Variants in BTBD2 observed in about 807,000 individuals in gnomAD.
BTBD2 encodes the protein BTB domain containing 2.
A neutral mutation model predicts 44.0 loss-of-function variants in BTBD2; 15 were observed. The ratio of observed to expected loss-of-function variants is 0.34; its 90% confidence interval spans 0.23 to 0.53. The LOEUF (loss-of-function observed/expected upper bound fraction) is 0.53. Among genes scored for constraint, BTBD2 ranks in the 20% least tolerant of loss-of-function variants. The pLI is 0.95. For missense variants in BTBD2, 657 were observed against 746.4 expected, an observed-to-expected ratio of 0.88 and a Z score of 1.39; for synonymous variants, 443 against 335.9, an observed-to-expected ratio of 1.32 and a Z score of -3.49.
At chr19:2,009,970 A>G (rs939577499) in intron 1 of BTBD2, among the ~76,000 whole-genome samples, 8 of 151,256 alleles carry the variant, frequency 5.3e-5, no homozygotes, top group South Asian at 2.1e-4. Flanking sequence ...CCCGGCTAAC[A>G]TGGTGAAACC....
At chr19:2,003,819 T>C (rs1599357609) in intron 1 of BTBD2, among the ~76,000 whole-genome samples, 1 of 146,168 alleles carries the variant, frequency 6.8e-6, no homozygotes. Context: ...GAAAAAGGAA[T>C]CTCTGGACCC....
chr19:2,011,801 T>C (rs999452550), intron 1 of BTBD2, among the ~76,000 whole-genome samples: 1 of 152,010 alleles, frequency 6.6e-6, no homozygotes, highest in African/African-American at 2.4e-5. Context: ...GACACAGGCC[T>C]TCATCGTGGC....
Position 1,997,428 on chromosome 19 carries a change from G to A in BTBD2, c.443C>T (p.Ala148Val), listed in dbSNP as rs754684263. 3.1e-6 allele frequency: 5 copies of A among 1,614,180 alleles called. No individual in the cohort carries two copies. Among genetic ancestry groups the A allele is most frequent in the South Asian group, 2.2e-5 (2 of 91,086 alleles). The change falls in exon 2 of 9, where the codon GCC becomes GTC. Residue 148 changes from alanine (A) to valine (V), a missense_variant. Transcript: ENST00000255608. ...VLAVGSAVFD[A>V]MFNGGMATTS... ...TGTGGCCATTCCCCCGTTGAACATGGCATCAAAGACGGCGCTGCCCACGGC... is the reference window on the plus strand; with the variant it reads ...TGTGGCCATTCCCCCGTTGAACATGACATCAAAGACGGCGCTGCCCACGGC...
At chr19:2,015,259 T>C (rs773833439) in intron 1 of BTBD2, 38 bp downstream of exon 1, 3 of 1,468,250 alleles carry the variant, frequency 2.0e-6, no homozygotes, top group Non-Finnish European at 1.8e-6. Context: ...GCAGGCTGGG[T>C]GGGTCGGGGC....
chr19:1,996,864 C>T (rs929891486), intron 2 of BTBD2, among the ~76,000 whole-genome samples: 1 of 144,152 alleles, frequency 6.9e-6, no homozygotes, highest in Non-Finnish European at 1.5e-5. Flanking sequence ...AGAGCAAGAC[C>T]ACGTCTAAAA....
At chr19:1,998,714 C>A (rs1599354386) in intron 1 of BTBD2, among the ~76,000 whole-genome samples, 1 of 152,198 alleles carries the variant, frequency 6.6e-6, no homozygotes, top group East Asian at 1.9e-4. Context: ...CATGTACAGT[C>A]CCCAGGGCCT....
intron 5 of BTBD2, among the ~76,000 whole-genome samples, chr19:1,989,174 G>C (rs753853801): frequency 6.6e-6 from 1 of 152,164 alleles, no homozygotes; most frequent in Non-Finnish European, 1.5e-5. Context: ...TGGGAGGATG[G>C]CTGGAGCCCA....
In BTBD2 at chr19:1,989,991, C is replaced by T. The variant is rs762391215; in HGVS notation, c.988+13G>A. On this transcript the variant is annotated intron_variant, in intron 5 of 8. Coordinates refer to ENST00000255608, the MANE Select transcript of BTBD2 (RefSeq NM_017797.4). ...CCCCTCCCAAACCAGCCCCTGAGCC[C>T]GAGCTCTGTTACCTGCAGCGAACTC... 1.1e-5 allele frequency: 18 copies of T among 1,612,418 alleles called. No individual in the cohort carries two copies. The highest frequency in any genetic ancestry group is 1.6e-4 in the Middle Eastern group (1 of 6,080).
chr19:2,010,831 G>GT (rs1253315565), intron 1 of BTBD2, among the ~76,000 whole-genome samples: 2 of 152,136 alleles, frequency 1.3e-5, no homozygotes, highest in African/African-American at 4.8e-5. Flanking sequence ...TAGAGACGGG[G>GT]TTTTGCCACG....
chr19:2,006,043 G>A (rs566584637), intron 1 of BTBD2, among the ~76,000 whole-genome samples: 289 of 150,942 alleles, frequency 1.9e-3, no homozygotes, highest in African/African-American at 6.6e-3. Context: ...AGCTATGATC[G>A]AGCCACTGAA....
At position 1,986,219 on chromosome 19, in the gene BTBD2, G is replaced by C. The variant is rs748398654; in HGVS notation, c.*269C>G. The C allele has an allele frequency of 2.1e-6, 1 of 476,314 alleles. No homozygotes were observed. The highest frequency in any genetic ancestry group is 3.6e-5 in the Admixed American group (1 of 28,158). 29.5% of individuals were successfully genotyped at this position (476,314 alleles called of 1,614,324 possible). A position where few individuals can be genotyped will look rare whatever the true frequency, so the allele number is the denominator to read the frequency against. On this transcript the variant is annotated 3_prime_UTR_variant, in exon 9 of 9. Coordinates refer to ENST00000255608, the MANE Select transcript of BTBD2 (RefSeq NM_017797.4). ...GGTCCGTGGGCCCTGGCCCAGGCCG[G>C]CACAGCCCTGTCCCTAGTCCTGAGG...
chr19:2,010,625 G>A (rs1437897065), intron 1 of BTBD2, among the ~76,000 whole-genome samples: 1 of 149,418 alleles, frequency 6.7e-6, no homozygotes, highest in Non-Finnish European at 1.5e-5. Context: ...CCCCCAGTTC[G>A]TCCCGACATC....
chr19:1,993,258 G>A (rs963312544), intron 2 of BTBD2, 82 bp from the exon 3 acceptor site: 15 of 1,471,326 alleles, frequency 1.0e-5, no homozygotes, highest in Middle Eastern at 1.8e-4. Flanking sequence ...CACTCAGACC[G>A]TTAGACTCGG....
In BTBD2 at chr19:1,997,288, C is replaced by G. The variant is rs1599353373; in HGVS notation, c.527+56G>C. ...TGGTGTCAGACAGGGTCTACGTTCT[C>G]TGAGGTCCCCCTCCCCAGGCCCAGC... On this transcript the variant is annotated intron_variant, in intron 2 of 8. Coordinates refer to ENST00000255608, the MANE Select transcript of BTBD2 (RefSeq NM_017797.4). 3.1e-6 allele frequency: 5 copies of G among 1,610,652 alleles called. No homozygotes were observed. The East Asian group carries it at 6.7e-5, about 22-fold the overall frequency.
rs2016108186 is a variant in BTBD2 at position 1,987,543 on chromosome 19, C to G, written c.1138G>C (p.Val380Leu). Reference sequence around the variant, plus strand: ...CCGCTGTAGCCCCAGCGACTCTCCACCTGCTGGAAGCGGTTGATGCTGCAC... The same window carrying G: ...CCGCTGTAGCCCCAGCGACTCTCCAGCTGCTGGAAGCGGTTGATGCTGCAC... ...KECSINRFQQ[V>L]ESRWGYSGTS... The change falls in exon 6 of 9, where the codon GTG becomes CTG. Residue 380 changes from valine to leucine, a missense_variant. By Grantham distance (32) the Val-to-Leu change is conservative. Coordinates refer to ENST00000255608, the MANE Select transcript of BTBD2 (RefSeq NM_017797.4). The G allele has an allele frequency of 1.2e-6, 2 of 1,609,558 alleles. No individual in the cohort carries two copies. Among genetic ancestry groups the G allele is most frequent in the Non-Finnish European group, 1.7e-6 (2 of 1,178,476 alleles).
At chr19:2,000,037 C>T (rs2145637247) in intron 1 of BTBD2, among the ~76,000 whole-genome samples, 1 of 151,984 alleles carries the variant, frequency 6.6e-6, no homozygotes, top group Middle Eastern at 3.5e-3. Flanking sequence ...GGGACTGGAG[C>T]GATGCGGCCA....
intron 7 of BTBD2, 65 bp from the exon 8 acceptor site, chr19:1,987,041 C>T: frequency 1.9e-6 from 3 of 1,594,052 alleles, no homozygotes; most frequent in Non-Finnish European, 2.6e-6. Flanking sequence ...CCTCGAGGCC[C>T]AGCCCACCTG....
chr19:1,990,641 G>T, intron 4 of BTBD2, 76 bp downstream of exon 4: 2 of 1,361,516 alleles, frequency 1.5e-6, no homozygotes, highest in Non-Finnish European at 1.0e-6. Context: ...CAGGCCCAAA[G>T]CTCCCACTGT....
At chr19:2,013,646 G>A (rs1161315192) in intron 1 of BTBD2, 9 of 987,184 alleles carry the variant, frequency 9.1e-6, no homozygotes, top group Non-Finnish European at 1.1e-5. Flanking sequence ...TCTGGCTGAG[G>A]TGGGGGTCCG....
Sources: gnomAD v4.1 joint callset for allele counts (sites outside exome capture counted in the v4.1 genomes callset) on GRCh38, gnomAD v4.1.1 for gene constraint, MANE v1.5 for transcripts, NCBI Gene and HGNC (gene_info 2026-07-23, HGNC 2026-07-21) for gene names.